Variants in CNTNAP2 observed in about 807,000 individuals in gnomAD.
CNTNAP2 encodes the protein contactin associated protein 2, also known as contactin-associated protein-like 2.
In CNTNAP2, 98 loss-of-function variants were observed where a neutral mutation model predicts 155.2. The ratio of observed to expected loss-of-function variants is 0.63; its 90% confidence interval spans 0.54 to 0.75. The LOEUF (loss-of-function observed/expected upper bound fraction) is 0.75, where lower values mean the gene tolerates loss of function less well. CNTNAP2 is among the 30% of genes least tolerant of loss of function. The pLI is 0.00. For synonymous variants in CNTNAP2, 651 were observed against 631.2 expected (o/e 1.03, Z -0.47); for missense variants, 1,727 against 1,688.1 (o/e 1.02, Z -0.40).
intron 1 of CNTNAP2, among the ~76,000 whole-genome samples, chr7:146,204,822 T>G (rs576953145): frequency 6.6e-6 from 1 of 152,210 alleles, no homozygotes; most frequent in South Asian, 2.1e-4. Context: ...TTTAATATTT[T>G]AATATTCCTA....
At chr7:148,029,118 C>T (rs56916051) in intron 15 of CNTNAP2, among the ~76,000 whole-genome samples, 7,982 of 152,094 alleles carry the variant, frequency 0.052, 356 homozygotes, top group East Asian at 0.28. Context: ...TTTAACCTCT[C>T]TTAGGAGATG....
intron 18 of CNTNAP2, among the ~76,000 whole-genome samples, chr7:148,189,302 A>G (rs1229796476): frequency 6.6e-6 from 1 of 152,212 alleles, no homozygotes; most frequent in Non-Finnish European, 1.5e-5. Flanking sequence ...CAATCTAAAC[A>G]AAGAGGACAG....
chr7:148,229,196 T>A (rs1330377896), intron 19 of CNTNAP2, among the ~76,000 whole-genome samples: 1 of 152,162 alleles, frequency 6.6e-6, no homozygotes, highest in African/African-American at 2.4e-5. Context: ...AAATATTGAA[T>A]GTTATCTGTG....
intron 14 of CNTNAP2, among the ~76,000 whole-genome samples, chr7:147,912,128 T>C (rs985493971): frequency 6.6e-6 from 1 of 152,190 alleles, no homozygotes; most frequent in Non-Finnish European, 1.5e-5. Context: ...TCAATGACTG[T>C]TTCCTTAACC....
At chr7:147,292,831 A>G (rs1270206279) in intron 8 of CNTNAP2, among the ~76,000 whole-genome samples, 7 of 152,174 alleles carry the variant, frequency 4.6e-5, no homozygotes, top group Non-Finnish European at 1.5e-5. Context: ...GTGCAATACC[A>G]CAATCTTGGT....
chr7:146,168,146 G>A (rs1266146945), intron 1 of CNTNAP2, among the ~76,000 whole-genome samples: 1 of 152,090 alleles, frequency 6.6e-6, no homozygotes, highest in Non-Finnish European at 1.5e-5. Flanking sequence ...GGGTGGGTCT[G>A]CCTATTCCAG....
intron 8 of CNTNAP2, among the ~76,000 whole-genome samples, chr7:147,179,880 G>A (rs1383597597): frequency 1.6e-5 from 2 of 128,168 alleles, no homozygotes; most frequent in African/African-American, 5.5e-5. Context: ...TTTTTGAGAA[G>A]AAAATGTTTG....
chr7:147,075,409 A>C (rs930448080), intron 4 of CNTNAP2, among the ~76,000 whole-genome samples: 1 of 152,126 alleles, frequency 6.6e-6, no homozygotes, highest in African/African-American at 2.4e-5. Flanking sequence ...GGTAACATGA[A>C]CTGAAGATGG....
intron 18 of CNTNAP2, among the ~76,000 whole-genome samples, chr7:148,196,872 G>A (rs1008939521): frequency 7.9e-5 from 12 of 152,134 alleles, no homozygotes; most frequent in African/African-American, 2.4e-4. Flanking sequence ...GATCCTTCCA[G>A]GAAAGTCTAA....
At chr7:148,301,449 T>G (rs1415740628) in intron 21 of CNTNAP2, among the ~76,000 whole-genome samples, 7 of 151,406 alleles carry the variant, frequency 4.6e-5, no homozygotes. Context: ...TAGAAACAGA[T>G]GGACTCCAAG....
At chr7:147,297,660 T>C (rs563899214) in intron 8 of CNTNAP2, among the ~76,000 whole-genome samples, 2 of 152,204 alleles carry the variant, frequency 1.3e-5, no homozygotes, top group African/African-American at 2.4e-5. Flanking sequence ...TCAGTACTTT[T>C]CGTGAGTTCA....
At chr7:146,628,114 C>G (rs961506564) in intron 1 of CNTNAP2, among the ~76,000 whole-genome samples, 2 of 152,088 alleles carry the variant, frequency 1.3e-5, no homozygotes, top group Non-Finnish European at 2.9e-5. Flanking sequence ...ATATCTTTTT[C>G]CACTTCCTTT....
intron 15 of CNTNAP2, among the ~76,000 whole-genome samples, chr7:148,013,485 T>C (rs776590205): frequency 1.3e-5 from 2 of 152,158 alleles, no homozygotes; most frequent in African/African-American, 4.8e-5. Flanking sequence ...AGAGACATAA[T>C]ACCCAGCAGA....
chr7:147,452,515 G>T (rs1398370181), intron 10 of CNTNAP2, among the ~76,000 whole-genome samples: 1 of 152,058 alleles, frequency 6.6e-6, no homozygotes, highest in Non-Finnish European at 1.5e-5. Context: ...AAAACAAGCA[G>T]ATCAAAATGT....
At chr7:148,027,620 G>T (rs1412602414) in intron 15 of CNTNAP2, among the ~76,000 whole-genome samples, 1 of 152,110 alleles carries the variant, frequency 6.6e-6, no homozygotes, top group African/African-American at 2.4e-5. Flanking sequence ...AACCTGTTGG[G>T]TCAGAATCTC....
chr7:147,356,242 A>G (rs1266832655), intron 9 of CNTNAP2, among the ~76,000 whole-genome samples: 1 of 152,214 alleles, frequency 6.6e-6, no homozygotes, highest in Non-Finnish European at 1.5e-5. Flanking sequence ...ACACCCCTTC[A>G]TGCTGAAAAC....
intron 8 of CNTNAP2, among the ~76,000 whole-genome samples, chr7:147,210,965 G>A (rs1193272019): frequency 1.3e-5 from 2 of 149,318 alleles, no homozygotes; most frequent in Admixed American, 1.3e-4. Context: ...AGATTTTTTT[G>A]TATTTATTGA....
intron 15 of CNTNAP2, among the ~76,000 whole-genome samples, chr7:148,080,358 C>A (rs1325721607): frequency 1.3e-5 from 2 of 152,076 alleles, no homozygotes; most frequent in African/African-American, 2.4e-5. Flanking sequence ...GTAATCCCAG[C>A]ACTTTGGGAG....
At chr7:147,341,016 T>TTA (rs1258511183) in intron 9 of CNTNAP2, among the ~76,000 whole-genome samples, 1 of 152,044 alleles carries the variant, frequency 6.6e-6, no homozygotes, top group Non-Finnish European at 1.5e-5. Context: ...AACACATTTA[T>TTA]TATACTACTT....
Sources: allele counts gnomAD v4.1 joint callset (sites outside exome capture counted in the v4.1 genomes callset), GRCh38; gene constraint gnomAD v4.1.1; transcripts MANE v1.5; gene names NCBI Gene and HGNC (gene_info 2026-07-23, HGNC 2026-07-21).